The following FZD8 variants were observed in gnomAD, a reference collection of about 807,000 sequenced individuals.
FZD8 encodes the protein frizzled class receptor 8.
Under a neutral mutation model 46.0 loss-of-function variants are expected in FZD8, and 18 were observed. The observed-to-expected ratio is 0.39, with a 90% confidence interval of 0.27 to 0.58. The LOEUF (loss-of-function observed/expected upper bound fraction) is 0.58, where lower values mean the gene tolerates loss of function less well. Among genes scored for constraint, FZD8 ranks in the 20% least tolerant of loss-of-function variants. The probability of loss-of-function intolerance (pLI) is 0.55; values close to 1 mark genes in which losing one functional copy is unlikely to be tolerated. For missense variants in FZD8, 785 were observed against 983.4 expected, an observed-to-expected ratio of 0.80 and a Z score of 2.70; for synonymous variants, 586 against 467.9, an observed-to-expected ratio of 1.25 and a Z score of -3.26.
rs536733734 is a variant in FZD8, at chr10:35,639,456, C to T, written c.1974G>A (p.Pro658=). The T allele has an allele frequency of 8.3e-4, 905 of 1,093,512 alleles. 8 individuals carry two copies. The African/African-American group carries it at 0.014, about 17-fold the overall frequency. The allele number at this position is 1,093,512 out of a possible 1,614,324, so 67.7% of individuals were successfully genotyped here. A position where few individuals can be genotyped will look rare whatever the true frequency, so the allele number is the denominator to read the frequency against. Reference sequence around the variant, plus strand: ...TGTAGAGGGAGCCCCCGCCGCCGCCCGGCCCCCCGCCGCCGCCGGGTCCCC... The same window carrying T: ...TGTAGAGGGAGCCCCCGCCGCCGCCTGGCCCCCCGCCGCCGCCGGGTCCCC... ...GGGGPGGGGG[P]GGGGGSLYSD... is the part of the protein sequence containing the mutation. Residue 658 remains proline (P), a synonymous_variant, in exon 1 of 1, where the codon CCG becomes CCA. Transcript: ENST00000374694.
chr10:35,639,376 TA>T lies in FZD8; in HGVS notation c.2053del (p.Tyr685IlefsTer38). 1.4e-6 allele frequency: 2 copies of T among 1,478,906 alleles called. No homozygotes were observed. Among genetic ancestry groups the T allele is most frequent in the South Asian group, 1.3e-5 (1 of 79,832 alleles). 91.6% of individuals were successfully genotyped at this position (1,478,906 alleles called of 1,614,324 possible). ...WRSGTASSVS[Y>X]PKQMPLSQV Reference sequence around the variant, plus strand: ...CTGGGACAATGGCATCTGCTTTGGATAAGACACGGAGCTCGCCGTGCCCGAC... The same window carrying T: ...CTGGGACAATGGCATCTGCTTTGGATAGACACGGAGCTCGCCGTGCCCGAC... On this transcript the variant is annotated frameshift_variant, in exon 1 of 1. Transcript: ENST00000374694. LOFTEE classifies it high-confidence loss of function.
At position 35,641,333 on chromosome 10, in the gene FZD8, G is replaced by A. The variant is rs1200605053; in HGVS notation, c.97C>T (p.Leu33=). ...SGAAAASAKE[L]ACQEITVPLC... Reference sequence around the variant, plus strand: ...GGCACGGTGATCTCTTGGCATGCCAGCTCCTTGGCCGAGGCGGCCGCAGCG... The same window carrying A: ...GGCACGGTGATCTCTTGGCATGCCAACTCCTTGGCCGAGGCGGCCGCAGCG... Residue 33 remains leucine (L), a synonymous_variant, in exon 1 of 1, where the codon CTG becomes TTG. Coordinates refer to ENST00000374694, the MANE Select transcript of FZD8 (RefSeq NM_031866.3). The surrounding 1 kb of genome is among the most constrained non-coding windows in gnomAD (Gnocchi z 6.3). The A allele has an allele frequency of 1.2e-6, 2 of 1,613,886 alleles. No homozygotes were observed. The highest frequency in any genetic ancestry group is 1.3e-5 in the African/African-American group (1 of 75,066).
In FZD8 at chr10:35,641,587, T is replaced by C; in HGVS notation, c.-158A>G. The C allele has an allele frequency of 1.0e-6, 1 of 962,022 alleles. No individual in the cohort carries two copies. The highest frequency in any genetic ancestry group is 2.7e-5 in the East Asian group (1 of 37,066). 59.6% of individuals were successfully genotyped at this position (962,022 alleles called of 1,614,324 possible). Reference sequence around the variant, plus strand: ...GGGGTCTGCCGATAATCTAACCCCTTCTAGGGGCGCGTCCGCAGCGGCGCG... The same window carrying C: ...GGGGTCTGCCGATAATCTAACCCCTCCTAGGGGCGCGTCCGCAGCGGCGCG... On this transcript the variant is annotated 5_prime_UTR_variant, in exon 1 of 1. Transcript: ENST00000374694. This position sits in a 1 kb window ranked among gnomAD's most constrained non-coding sequence, Gnocchi z 6.3.
In FZD8 at chr10:35,641,049, G is replaced by C; in HGVS notation, c.381C>G (p.Phe127Leu). ...CGCAGCGCATGCGGTCGGGCCAGGC[G>C]AAGCCGTACTGGCGCATGAGCGGCG... Reference protein sequence around the residue: ...GCAPLMRQYGFAWPDRMRCDR... With the variant: ...GCAPLMRQYGLAWPDRMRCDR... The change falls in exon 1 of 1, where the codon TTC becomes TTG. Residue 127 changes from phenylalanine (F) to leucine (L), a missense_variant. Physicochemically the swap from Phe to Leu is conservative, Grantham distance 22. Coordinates refer to ENST00000374694, the MANE Select transcript of FZD8 (RefSeq NM_031866.3). The surrounding 1 kb of genome is among the most constrained non-coding windows in gnomAD (Gnocchi z 6.3). 1 of 1,609,904 alleles carries C rather than the reference G, an allele frequency of 6.2e-7. No homozygotes were observed. Among genetic ancestry groups the C allele is most frequent in the Non-Finnish European group, 8.5e-7 (1 of 1,178,830 alleles).
In FZD8 at chr10:35,641,410, A is replaced by G. The variant is rs767000197; in HGVS notation, c.20T>C (p.Leu7Ser). ...GGCGGCCAGCAGCGAGGTCACTTCC[A>G]ACAGGTAACCCCACTCCATGCTGTG... MEWGYL[L>S]EVTSLLAALA... Residue 7 changes from leucine to serine, a missense_variant, in exon 1 of 1, where the codon TTG (leucine) becomes TCG (serine). This residue lies in a region of FZD8 where 354 missense variants were observed against 433.2 expected (regional missense o/e 0.82). Coordinates refer to ENST00000374694, the MANE Select transcript of FZD8 (RefSeq NM_031866.3). This position sits in a 1 kb window ranked among gnomAD's most constrained non-coding sequence, Gnocchi z 6.3. The G allele has an allele frequency of 6.2e-7, 1 of 1,610,142 alleles. No individual in the cohort carries two copies. Among genetic ancestry groups the G allele is most frequent in the South Asian group, 1.1e-5 (1 of 90,962 alleles).
chr10:35,641,538 C>T lies in FZD8; in HGVS notation c.-109G>A. ...ACGGGTACAGCGGGTGATCTGGGGTCTCCCTTATGCTTCGCCCGGGAGGGG... is the reference window on the plus strand; with the variant it reads ...ACGGGTACAGCGGGTGATCTGGGGTTTCCCTTATGCTTCGCCCGGGAGGGG... On this transcript the variant is annotated 5_prime_UTR_variant, in exon 1 of 1. Coordinates refer to ENST00000374694, the MANE Select transcript of FZD8 (RefSeq NM_031866.3). The surrounding 1 kb of genome is among the most constrained non-coding windows in gnomAD (Gnocchi z 6.3). The T allele has an allele frequency of 7.1e-7, 1 of 1,402,248 alleles. No individual in the cohort carries two copies. The highest frequency in any genetic ancestry group is 1.5e-5 in the South Asian group (1 of 68,008). The allele number at this position is 1,402,248 out of a possible 1,614,324, so 86.9% of individuals were successfully genotyped here. A position where few individuals can be genotyped will look rare whatever the true frequency, so the allele number is the denominator to read the frequency against.
rs61754570 is a variant in FZD8, at chr10:35,641,082, G to C, written c.348C>G (p.Ala116=). 4.4e-3 allele frequency: 7,162 copies of C among 1,610,280 alleles called. 22 individuals are homozygous for C. The highest frequency in any genetic ancestry group is 5.3e-3 in the Non-Finnish European group (6,287 of 1,178,800). The part of the protein sequence containing the change: ...PCRSVCERAK[A]GCAPLMRQYG... ...ACTGGCGCATGAGCGGCGCGCAGCC[G>C]GCCTTGGCGCGCTCGCACACCGAGC... is the stretch of plus-strand genomic sequence containing the variant. Residue 116 remains alanine, a synonymous_variant, in exon 1 of 1, where the codon GCC becomes GCG. Coordinates refer to ENST00000374694, the MANE Select transcript of FZD8 (RefSeq NM_031866.3). This position sits in a 1 kb window ranked among gnomAD's most constrained non-coding sequence, Gnocchi z 6.3.
Position 35,640,365 on chromosome 10 carries a change from G to T in FZD8, c.1065C>A (p.Gly355=). 1 of 966,528 alleles carries T rather than the reference G, an allele frequency of 1.0e-6. No individual in the cohort carries two copies. The highest frequency in any genetic ancestry group is 1.2e-6 in the Non-Finnish European group (1 of 814,852). 59.9% of individuals were successfully genotyped at this position (966,528 alleles called of 1,614,324 possible). ...PGAGGAGGAG[G]AAAGAGAAGA... is the part of the protein sequence containing the mutation. ...CCGCCGCGCCCGCGCCCGCCGCCGC[G>T]CCGCCCGCGCCCCCAGCGCCCCCCG... Residue 355 remains glycine (G), a synonymous_variant, in exon 1 of 1, where the codon GGC becomes GGA. Coordinates refer to ENST00000374694, the MANE Select transcript of FZD8 (RefSeq NM_031866.3).
In FZD8 at chr10:35,641,479, G is replaced by A. The variant is rs767737240; in HGVS notation, c.-50C>T. On this transcript the variant is annotated 5_prime_UTR_variant, in exon 1 of 1. Transcript: ENST00000374694. The surrounding 1 kb of genome is among the most constrained non-coding windows in gnomAD (Gnocchi z 6.3). ...TCGCCCTCCAGGCGGCGCGCAGAGG[G>A]GTGCCGGGGGGGGGGCCCACGAGAG... 1.8e-5 allele frequency: 25 copies of A among 1,419,436 alleles called. No homozygotes were observed. Among genetic ancestry groups the A allele is most frequent in the South Asian group, 8.0e-5 (6 of 74,720 alleles). 87.9% of individuals were successfully genotyped at this position (1,419,436 alleles called of 1,614,324 possible).
Position 35,638,811 on chromosome 10 carries a change from G to A in FZD8, c.*534C>T, listed in dbSNP as rs573471946. ...ATGTAAGAAACCCGTATTTACGTGGGGTGTATAATTAAGACATTTCTTGTT... is the reference window on the plus strand; with the variant it reads ...ATGTAAGAAACCCGTATTTACGTGGAGTGTATAATTAAGACATTTCTTGTT... On this transcript the variant is annotated 3_prime_UTR_variant, in exon 1 of 1. Coordinates refer to ENST00000374694, the MANE Select transcript of FZD8 (RefSeq NM_031866.3). 22 of 152,326 alleles carry A rather than the reference G, an allele frequency of 1.4e-4. No homozygotes were observed. The highest frequency in any genetic ancestry group is 4.8e-4 in the African/African-American group (20 of 41,410). 9.4% of individuals were successfully genotyped at this position (152,326 alleles called of 1,614,324 possible).
chr10:35,639,473 CGG>C lies in FZD8; in HGVS notation c.1955_1956del (p.Pro652ArgfsTer68), dbSNP rs1209786637. The C allele has an allele frequency of 4.1e-6, 4 of 981,190 alleles. No homozygotes were observed. Among genetic ancestry groups the C allele is most frequent in the South Asian group, 4.4e-5 (1 of 22,970 alleles). 60.8% of individuals were successfully genotyped at this position (981,190 alleles called of 1,614,324 possible). ...GGPGGGGGGGPGGGGGPGGGG... is the reference protein window; with the variant it reads ...GGPGGGGGGGXGGGGGPGGGG... The stretch of plus-strand genomic sequence containing the variant: ...CCGCCGCCCGGCCCCCCGCCGCCGC[CGG>C]GTCCCCCGCCGCCGCCGCCCCCCGG... On this transcript the variant is annotated frameshift_variant, in exon 1 of 1. Coordinates refer to ENST00000374694, the MANE Select transcript of FZD8 (RefSeq NM_031866.3). LOFTEE classifies it high-confidence loss of function.
In FZD8 at chr10:35,641,712, T is replaced by C. The variant is rs982754996; in HGVS notation, c.-283A>G. ...GCCACAGTCCGTAGGTCCGCTCTGC[T>C]GGCCCCGGGTCGCGCTCAGCCCTCG... On this transcript the variant is annotated 5_prime_UTR_variant, in exon 1 of 1. Coordinates refer to ENST00000374694, the MANE Select transcript of FZD8 (RefSeq NM_031866.3). This position sits in a 1 kb window ranked among gnomAD's most constrained non-coding sequence, Gnocchi z 6.3. The C allele has an allele frequency of 1.3e-5, 4 of 308,348 alleles. No homozygotes were observed. Among genetic ancestry groups the C allele is most frequent in the Non-Finnish European group, 2.4e-5 (4 of 169,034 alleles). The allele number at this position is 308,348 out of a possible 1,614,324, so 19.1% of individuals were successfully genotyped here.
In FZD8 at chr10:35,641,839, C is replaced by T. The variant is rs951273461; in HGVS notation, c.-410G>A. 2 of 156,612 alleles carry T rather than the reference C, an allele frequency of 1.3e-5. No homozygotes were observed. Among genetic ancestry groups the T allele is most frequent in the Non-Finnish European group, 2.8e-5 (2 of 71,712 alleles). The allele number at this position is 156,612 out of a possible 1,614,324, so 9.7% of individuals were successfully genotyped here. ...CCGCCGCGCCGGGCGGCGGTGACTC[C>T]GCCGGACAGAGAGGGCGGAGGCGCC... On this transcript the variant is annotated 5_prime_UTR_variant, in exon 1 of 1. Coordinates refer to ENST00000374694, the MANE Select transcript of FZD8 (RefSeq NM_031866.3). The surrounding 1 kb of genome is among the most constrained non-coding windows in gnomAD (Gnocchi z 6.3).
In FZD8 at chr10:35,640,339, C is replaced by G. The variant is rs1554807919; in HGVS notation, c.1091G>C (p.Gly364Ala). The G allele has an allele frequency of 3.1e-6, 3 of 964,428 alleles. No individual in the cohort carries two copies. The highest frequency in any genetic ancestry group is 9.3e-5 in the South Asian group (2 of 21,414). The allele number at this position is 964,428 out of a possible 1,614,324, so 59.7% of individuals were successfully genotyped here. The change falls in exon 1 of 1, where the codon GGC becomes GCC. Residue 364 changes from glycine to alanine, a missense_variant. This residue lies in a region of FZD8 where 88 missense variants were observed against 83.6 expected (regional missense o/e 1.05). Transcript: ENST00000374694. ...GGAAAGAGAA[G>A]AGAGGPGGRG... ...CCCGCCCGGGCCGCCCGCGCCCGCGCCCGCCGCGCCCGCGCCCGCCGCCGC... is the reference window on the plus strand; with the variant it reads ...CCCGCCCGGGCCGCCCGCGCCCGCGGCCGCCGCGCCCGCGCCCGCCGCCGC...
Position 35,640,961 on chromosome 10 carries a change from T to TAAG in FZD8, c.468_469insCTT (p.Leu156dup). On this transcript the variant is annotated inframe_insertion, in exon 1 of 1. Coordinates refer to ENST00000374694, the MANE Select transcript of FZD8 (RefSeq NM_031866.3). ...CGCGGCGGGCTGGGCGCGGCGGTGGTTAGGTCGGTGCGGTTGTAGTCCATG... is the reference window on the plus strand; with the variant it reads ...CGCGGCGGGCTGGGCGCGGCGGTGGTAAGTAGGTCGGTGCGGTTGTAGTCCATG... 1 of 1,556,728 alleles carries TAAG rather than the reference T, an allele frequency of 6.4e-7. No individual in the cohort carries two copies. Among genetic ancestry groups the TAAG allele is most frequent in the Non-Finnish European group, 8.7e-7 (1 of 1,154,654 alleles).
At position 35,641,451 on chromosome 10, in the gene FZD8, C is replaced by G. The variant is rs889965790; in HGVS notation, c.-22G>C. The stretch of plus-strand genomic sequence containing the variant: ...CCATGCTGTGCGCCTCGGCCCGGTG[C>G]CCTCGCCCTCCAGGCGGCGCGCAGA... On this transcript the variant is annotated 5_prime_UTR_variant, in exon 1 of 1. Coordinates refer to ENST00000374694, the MANE Select transcript of FZD8 (RefSeq NM_031866.3). This position sits in a 1 kb window ranked among gnomAD's most constrained non-coding sequence, Gnocchi z 6.3. 1.4e-5 allele frequency: 22 copies of G among 1,570,884 alleles called. No individual in the cohort carries two copies. The highest frequency in any genetic ancestry group is 1.9e-5 in the Non-Finnish European group (22 of 1,163,298).
In FZD8 at chr10:35,640,230, G is replaced by A. The variant is rs1267789483; in HGVS notation, c.1200C>T (p.Phe400=). The A allele has an allele frequency of 2.5e-6, 4 of 1,611,432 alleles. No homozygotes were observed. Among genetic ancestry groups the A allele is most frequent in the Non-Finnish European group, 3.4e-6 (4 of 1,179,782 alleles). Residue 400 remains phenylalanine (F), a synonymous_variant, in exon 1 of 1, where the codon TTC becomes TTT. Coordinates refer to ENST00000374694, the MANE Select transcript of FZD8 (RefSeq NM_031866.3). ...TTGPALCTVV[F]LLVYFFGMAS... ...CCATGCCGAAGAAGTAGACCAGCAA[G>A]AAGACCACGGTGCACAGCGCGGGGC... is the stretch of plus-strand genomic sequence containing the variant.
rs1019133148 is a variant in FZD8, at chr10:35,639,835, C to A, written c.1595G>T (p.Arg532Leu). The A allele has an allele frequency of 6.3e-7, 1 of 1,592,532 alleles. No homozygotes were observed. The highest frequency in any genetic ancestry group is 8.5e-7 in the Non-Finnish European group (1 of 1,172,824). ...KTHKLEKLMI[R>L]LGLFTVLYTV... ...GTAGAGCACGGTGAACAGGCCCAGG[C>A]GGATCATCAGCTTCTCCAGCTTGTG... is the stretch of plus-strand genomic sequence containing the variant. Residue 532 changes from arginine (R) to leucine (L), a missense_variant, in exon 1 of 1, where the codon CGC becomes CTC. Arg to Leu is a moderately radical substitution (Grantham distance 102, BLOSUM62 -2). Around this residue, in one of 5 missense-constraint regions of FZD8, gnomAD observed 147 missense variants for 242.5 expected, o/e 0.61. Transcript: ENST00000374694.
In FZD8 at chr10:35,641,314, G is replaced by C. The variant is rs533033242; in HGVS notation, c.116C>G (p.Thr39Ser). ...GCCGATGCCCTTACACAGCGGCACG[G>C]TGATCTCTTGGCATGCCAGCTCCTT... is the stretch of plus-strand genomic sequence containing the variant. ...SAKELACQEI[T>S]VPLCKGIGYN... The change falls in exon 1 of 1, where the codon ACC becomes AGC. Residue 39 changes from threonine (T) to serine (S), a missense_variant. Thr to Ser is a moderately conservative substitution (Grantham distance 58). This residue lies in a region of FZD8 where 354 missense variants were observed against 433.2 expected (regional missense o/e 0.82). Coordinates refer to ENST00000374694, the MANE Select transcript of FZD8 (RefSeq NM_031866.3). The surrounding 1 kb of genome is among the most constrained non-coding windows in gnomAD (Gnocchi z 6.3). 6.2e-7 allele frequency: 1 copy of C among 1,613,974 alleles called. No individual in the cohort carries two copies. The highest frequency in any genetic ancestry group is 8.5e-7 in the Non-Finnish European group (1 of 1,179,916).
Sources: allele counts gnomAD v4.1 joint callset, GRCh38; gene constraint gnomAD v4.1.1; regional missense constraint gnomAD v4.1.1; non-coding constraint Gnocchi (gnomAD v3.1); transcripts MANE v1.5; gene names NCBI Gene and HGNC (gene_info 2026-07-23, HGNC 2026-07-21).